VPS13D: variants seen among roughly 807,000 people sequenced by gnomAD.
VPS13D encodes intermembrane lipid transfer protein VPS13D.
Under a neutral mutation model 461.9 loss-of-function variants are expected in VPS13D, and 187 were observed. The ratio of observed to expected loss-of-function variants is 0.40; its 90% CI spans 0.36 to 0.46. VPS13D has a LOEUF of 0.46. Ranked by LOEUF, VPS13D falls within the 20% of genes least tolerant of loss-of-function variation. The pLI is 0.60. For missense variants in VPS13D, 4,711 were observed against 5,364.9 expected (o/e 0.88, Z 3.81); for synonymous variants, 1,951 against 1,986.3 (o/e 0.98, Z 0.47).
intron 13 of VPS13D, 53 bp from the exon 14 acceptor site, chr1:12,266,828 A>C: frequency 7.2e-7 from 1 of 1,387,156 alleles, no homozygotes; most frequent in Non-Finnish European, 9.6e-7. Flanking sequence ...ATTTTCAAAA[A>C]CACATTAGGC....
chr1:12,377,209 G>A (rs955900619), intron 55 of VPS13D, among the ~76,000 whole-genome samples: 3 of 151,692 alleles, frequency 2.0e-5, no homozygotes, highest in Non-Finnish European at 2.9e-5. Context: ...ACAGGCATGC[G>A]CCACCACGCC....
At chr1:12,350,769 ATTGACATAAAT>A (rs1202661658) in intron 46 of VPS13D, among the ~76,000 whole-genome samples, 4 of 152,160 alleles carry the variant, frequency 2.6e-5, no homozygotes, top group Non-Finnish European at 5.9e-5. Context: ...CAATGTCAAA[ATTGACATAAAT>A]TTGACAAACT....
chr1:12,500,221 A>T, intron 68 of VPS13D: 1 of 984,336 alleles, frequency 1.0e-6, no homozygotes, highest in Non-Finnish European at 1.2e-6. Context: ...TTACCAACGT[A>T]TGATTTCTGG....
At chr1:12,504,517 A>T (rs530700086) in intron 68 of VPS13D, among the ~76,000 whole-genome samples, 1 of 152,324 alleles carries the variant, frequency 6.6e-6, no homozygotes, top group Non-Finnish European at 1.5e-5. Flanking sequence ...TATGGCCATG[A>T]ATTCCTTGAC....
chr1:12,294,410 A>G (rs970137428), intron 24 of VPS13D, among the ~76,000 whole-genome samples: 1 of 152,230 alleles, frequency 6.6e-6, no homozygotes, highest in Non-Finnish European at 1.5e-5. Context: ...CTTCGCAAAG[A>G]TAATACCTTA....
At chr1:12,356,753 T>C (rs1009110312) in intron 49 of VPS13D, among the ~76,000 whole-genome samples, 3 of 152,256 alleles carry the variant, frequency 2.0e-5, no homozygotes, top group Non-Finnish European at 4.4e-5. Flanking sequence ...AGTTTTATTT[T>C]ACATGCATTG....
intron 60 of VPS13D, among the ~76,000 whole-genome samples, chr1:12,395,996 G>GATATAT (rs58476786): frequency 0.11 from 8,442 of 73,462 alleles, 727 homozygotes; most frequent in Non-Finnish European, 0.13. Context: ...ACTAATAGGA[G>GATATAT]ATATATATAT....
rs1641085306 is a variant in VPS13D, at chr1:12,260,874, T to TG, written c.1213-70dup. 1.7e-5 allele frequency: 27 copies of TG among 1,610,516 alleles called. No individual in the cohort carries two copies. The South Asian group carries it at 2.6e-4, about 16-fold the overall frequency. ...CAGTTTTGATGTGCTTGTGCTCCTG[T>TG]GGGGAAACAGCAGCATATCACAGCT... On this transcript the variant is annotated intron_variant, in intron 11 of 69. Transcript: ENST00000620676.
chr1:12,498,558 T>C (rs1200108174), intron 68 of VPS13D, among the ~76,000 whole-genome samples: 1 of 152,228 alleles, frequency 6.6e-6, no homozygotes, highest in African/African-American at 2.4e-5. Context: ...TACATGTGCC[T>C]TGTGTGACCC....
At position 12,509,158 on chromosome 1, in the gene VPS13D, A is replaced by C; in HGVS notation, c.*134A>C. 9.3e-7 allele frequency: 1 copy of C among 1,071,872 alleles called. No homozygotes were observed. Among genetic ancestry groups the C allele is most frequent in the Non-Finnish European group, 1.3e-6 (1 of 773,504 alleles). The allele number at this position is 1,071,872 out of a possible 1,614,324, so 66.4% of individuals were successfully genotyped here. ...AGTTGTCAAGGAATGAGGGAAAGTA[A>C]ATCCTCATGAGGAAAAGTACAAATG... On this transcript the variant is annotated 3_prime_UTR_variant, in exon 70 of 70. Coordinates refer to ENST00000620676, the MANE Select transcript of VPS13D (RefSeq NM_015378.4).
intron 54 of VPS13D, among the ~76,000 whole-genome samples, chr1:12,372,697 C>G (rs1644136279): frequency 6.6e-6 from 1 of 151,034 alleles, no homozygotes; most frequent in Admixed American, 6.6e-5. Context: ...ACAGAAGTTT[C>G]TCATTTTGGT....
In VPS13D at chr1:12,276,754, G is replaced by A. The variant is rs774400266; in HGVS notation, c.3166G>A (p.Ala1056Thr). The A allele has an allele frequency of 4.3e-6, 7 of 1,614,064 alleles. No individual in the cohort carries two copies. The African/African-American group carries it at 9.3e-5, about 22-fold the overall frequency. ...GPNVAHLTDG[A>T]TLNDRSATSV... is the part of the protein sequence containing the mutation. ...GAATGTGGCCCACTTAACTGATGGA[G>A]CTACACTGAACGACCGATCAGCTAC... Residue 1056 changes from alanine to threonine, a missense_variant, in exon 19 of 70, where the codon GCT becomes ACT. By Grantham distance (58) the Ala-to-Thr change is moderately conservative. This residue lies in a region of VPS13D where 4,411 missense variants were observed against 4,937.8 expected (regional missense o/e 0.89). Transcript: ENST00000620676. This position sits in a 1 kb window ranked among gnomAD's most constrained non-coding sequence, Gnocchi z 4.5.
At chr1:12,438,705 G>A (rs1389656633) in intron 65 of VPS13D, among the ~76,000 whole-genome samples, 1 of 152,188 alleles carries the variant, frequency 6.6e-6, no homozygotes, top group Non-Finnish European at 1.5e-5. Flanking sequence ...CTGGTTTTGA[G>A]AGGAAGTTAA....
Position 12,353,983 on chromosome 1 carries a change from G to C in VPS13D, c.9441G>C (p.Val3147=). The C allele has an allele frequency of 6.2e-7, 1 of 1,613,660 alleles. No individual in the cohort carries two copies. The highest frequency in any genetic ancestry group is 8.5e-7 in the Non-Finnish European group (1 of 1,179,750). The change falls in exon 47 of 70, where the codon GTG becomes GTC. Residue 3147 remains valine (V), a synonymous_variant. Transcript: ENST00000620676. Reference sequence around the variant, plus strand: ...CATTTTATCTTCATAGGTTTTGTGTGGCTATAAAGAAAGAGAATTATCCAG... The same window carrying C: ...CATTTTATCTTCATAGGTTTTGTGTCGCTATAAAGAAAGAGAATTATCCAG... ...TEKSRFFRFC[V]AIKKENYPDY... is the part of the protein sequence containing the mutation.
intron 1 of VPS13D, among the ~76,000 whole-genome samples, chr1:12,230,508 G>T (rs762974792): frequency 1.1e-4 from 17 of 152,222 alleles, no homozygotes; most frequent in Non-Finnish European, 2.4e-4. Flanking sequence ...GAATTGGGGG[G>T]TGTCAGTCCG....
intron 3 of VPS13D, among the ~76,000 whole-genome samples, chr1:12,243,531 C>T (rs1057179178): frequency 2.0e-5 from 3 of 152,130 alleles, no homozygotes; most frequent in African/African-American, 7.2e-5. Context: ...GTGGCTTTCA[C>T]CTGGAATCCC....
chr1:12,365,861 A>C (rs1644028203), intron 52 of VPS13D, among the ~76,000 whole-genome samples: 1 of 152,166 alleles, frequency 6.6e-6, no homozygotes, highest in Non-Finnish European at 1.5e-5. Context: ...AAGTATGATA[A>C]TTTAACAATA....
At chr1:12,481,495 T>C (rs1645716268) in intron 67 of VPS13D, among the ~76,000 whole-genome samples, 1 of 152,218 alleles carries the variant, frequency 6.6e-6, no homozygotes, top group South Asian at 2.1e-4. Flanking sequence ...TGTTGGTTCT[T>C]GTTTCCTAGA....
chr1:12,253,456 G>A (rs1037682816), intron 6 of VPS13D, among the ~76,000 whole-genome samples: 1 of 152,160 alleles, frequency 6.6e-6, no homozygotes, highest in Non-Finnish European at 1.5e-5. Context: ...TTTGCACAGT[G>A]ACGTTTTCTT....
Sources: gnomAD v4.1 joint callset for allele counts (sites outside exome capture counted in the v4.1 genomes callset) on GRCh38, gnomAD v4.1.1 for gene constraint, gnomAD v4.1.1 regional missense constraint, Gnocchi (gnomAD v3.1) non-coding constraint, MANE v1.5 for transcripts, NCBI Gene and HGNC (gene_info 2026-07-23, HGNC 2026-07-21) for gene names.